Variants in SPTLC3 observed in about 807,000 individuals in gnomAD.
SPTLC3 encodes the protein serine palmitoyltransferase 3.
SPTLC3 carries 36 observed loss-of-function variants against 59.3 expected under a neutral mutation model. That is an observed-to-expected ratio of 0.61 (90% CI 0.47 to 0.80). SPTLC3 has a LOEUF of 0.80. Among genes scored for constraint, SPTLC3 ranks in the 30% least tolerant of loss-of-function variants. SPTLC3 has a pLI of 0.00. For missense variants in SPTLC3, 625 were observed against 685.1 expected (o/e 0.91, Z 0.98); for synonymous variants, 257 against 240.8 (o/e 1.07, Z -0.62).
intron 2 of SPTLC3, among the ~76,000 whole-genome samples, chr20:13,064,841 T>C (rs998120538): frequency 1.3e-5 from 2 of 152,210 alleles, no homozygotes; most frequent in African/African-American, 4.8e-5. Context: ...TCCATTTCTT[T>C]ACGTATTTCT....
At chr20:13,036,968 T>C (rs528634794) in intron 1 of SPTLC3, among the ~76,000 whole-genome samples, 1 of 152,274 alleles carries the variant, frequency 6.6e-6, no homozygotes, top group East Asian at 1.9e-4. Flanking sequence ...GGGTAGTCCT[T>C]GGCTTTGTTG....
chr20:13,157,886 T>C (rs2038810995), intron 10 of SPTLC3, among the ~76,000 whole-genome samples: 1 of 152,232 alleles, frequency 6.6e-6, no homozygotes, highest in Non-Finnish European at 1.5e-5. Flanking sequence ...CATTTGGTCA[T>C]TTAAAAACCT....
intron 2 of SPTLC3, among the ~76,000 whole-genome samples, chr20:13,051,806 C>T (rs181550889): frequency 2.0e-5 from 3 of 152,250 alleles, no homozygotes; most frequent in Admixed American, 2.0e-4. Flanking sequence ...CATGCAAATA[C>T]ATGGAAATTA....
Position 13,117,624 on chromosome 20 carries a change from G to C in SPTLC3, c.1051G>C (p.Val351Leu). ...IGAVGPTGRG[V>L]TEFFGLDPHE... is the part of the protein sequence containing the mutation. Reference sequence around the variant, plus strand: ...GGCCGTGGGCCCAACCGGCCGGGGTGTCACGGAGTTCTTTGGACTAGACCC... The same window carrying C: ...GGCCGTGGGCCCAACCGGCCGGGGTCTCACGGAGTTCTTTGGACTAGACCC... The change falls in exon 8 of 12, where the codon GTC (valine) becomes CTC (leucine). Residue 351 changes from valine to leucine, a missense_variant. Val to Leu is a conservative substitution (Grantham distance 32). Transcript: ENST00000399002. 6.2e-7 allele frequency: 1 copy of C among 1,614,100 alleles called. No individual in the cohort carries two copies. The highest frequency in any genetic ancestry group is 8.5e-7 in the Non-Finnish European group (1 of 1,179,962).
rs765661011 is a variant in SPTLC3 at position 13,048,942 on chromosome 20, C to G, written c.118-3C>G. The G allele has an allele frequency of 1.3e-6, 2 of 1,543,918 alleles. No homozygotes were observed. The highest frequency in any genetic ancestry group is 4.3e-5 in the Admixed American group (2 of 46,402). On this transcript the variant is annotated splice_polypyrimidine_tract_variant and splice_region_variant and intron_variant, in intron 1 of 11. Coordinates refer to ENST00000399002, the MANE Select transcript of SPTLC3 (RefSeq NM_018327.4). ...AACCTTGGATTTTCTTTTGTGTTTT[C>G]AGCAAAATGGGAAGCCACATTTTTA...
At chr20:13,083,638 G>A in intron 4 of SPTLC3, among the ~76,000 whole-genome samples, 1 of 152,146 alleles carries the variant, frequency 6.6e-6, no homozygotes. Flanking sequence ...GAATGGAAAG[G>A]CCATGTGTAT....
chr20:13,079,766 T>G (rs1375428986), intron 4 of SPTLC3: 1 of 470,176 alleles, frequency 2.1e-6, no homozygotes, highest in East Asian at 7.1e-5. Context: ...CACCTCATCC[T>G]GGCAGAATGC....
chr20:13,084,409 G>A (rs1328682428), intron 4 of SPTLC3, among the ~76,000 whole-genome samples: 1 of 152,142 alleles, frequency 6.6e-6, no homozygotes, highest in African/African-American at 2.4e-5. Context: ...AAAAAGCCAC[G>A]GAATTGTGAT....
intron 10 of SPTLC3, among the ~76,000 whole-genome samples, chr20:13,156,684 A>C (rs972016151): frequency 6.6e-6 from 1 of 152,236 alleles, no homozygotes; most frequent in Non-Finnish European, 1.5e-5. Context: ...CAATTAATAA[A>C]GTCATTAATA....
chr20:13,157,367 G>A (rs1166763154), intron 10 of SPTLC3, among the ~76,000 whole-genome samples: 4 of 152,034 alleles, frequency 2.6e-5, no homozygotes, highest in African/African-American at 4.8e-5. Context: ...AACCCGGGAG[G>A]TGGAGGTTGC....
chr20:13,015,434 A>T (rs1985479007), intron 1 of SPTLC3, among the ~76,000 whole-genome samples: 1 of 152,224 alleles, frequency 6.6e-6, no homozygotes, highest in African/African-American at 2.4e-5. Flanking sequence ...CTGGAAATAG[A>T]TTTAAATAAA....
At chr20:13,153,027 C>A (rs1301851776) in intron 9 of SPTLC3, among the ~76,000 whole-genome samples, 1 of 152,166 alleles carries the variant, frequency 6.6e-6, no homozygotes, top group Middle Eastern at 3.2e-3. Flanking sequence ...TAAAGACAAC[C>A]AATAAGACGA....
chr20:13,074,951 G>A (rs1044296461), intron 4 of SPTLC3, among the ~76,000 whole-genome samples: 2 of 152,148 alleles, frequency 1.3e-5, no homozygotes, highest in African/African-American at 2.4e-5. Context: ...AAGCAGACGA[G>A]CAGCCTGCCT....
chr20:13,152,694 A>C (rs2038676196), intron 9 of SPTLC3, among the ~76,000 whole-genome samples: 1 of 152,200 alleles, frequency 6.6e-6, no homozygotes, highest in African/African-American at 2.4e-5. Flanking sequence ...GAATTATTCC[A>C]ACTGATTAAG....
intron 3 of SPTLC3, 95 bp downstream of exon 3, chr20:13,072,505 A>C: frequency 7.5e-7 from 1 of 1,336,530 alleles, no homozygotes; most frequent in South Asian, 1.5e-5. Context: ...AAAACAAGGC[A>C]TGGAAGCCAT....
chr20:13,114,987 C>A (rs1990453697), intron 7 of SPTLC3, among the ~76,000 whole-genome samples: 1 of 152,206 alleles, frequency 6.6e-6, no homozygotes, highest in Non-Finnish European at 1.5e-5. Context: ...CAAGTCCCTG[C>A]ACAGAGCTTC....
intron 9 of SPTLC3, among the ~76,000 whole-genome samples, chr20:13,130,963 C>G (rs985141946): frequency 5.3e-5 from 8 of 152,154 alleles, no homozygotes; most frequent in Non-Finnish European, 8.8e-5. Flanking sequence ...TCTCATAGGA[C>G]TGGGAGCTGG....
intron 6 of SPTLC3, among the ~76,000 whole-genome samples, chr20:13,102,294 G>GCC (rs774625185): frequency 5.3e-5 from 8 of 151,688 alleles, no homozygotes; most frequent in Non-Finnish European, 1.2e-4. Flanking sequence ...ATAATTAAAA[G>GCC]GTATTGAGCC....
intron 7 of SPTLC3, among the ~76,000 whole-genome samples, chr20:13,115,865 A>C (rs963456044): frequency 2.6e-5 from 4 of 152,302 alleles, no homozygotes; most frequent in East Asian, 1.9e-4. Flanking sequence ...TTTGTATTGC[A>C]TATGAGGAAA....
Sources: gnomAD v4.1 joint callset for allele counts (sites outside exome capture counted in the v4.1 genomes callset) on GRCh38, gnomAD v4.1.1 for gene constraint, MANE v1.5 for transcripts, NCBI Gene and HGNC (gene_info 2026-07-23, HGNC 2026-07-21) for gene names.